Variants in PLEKHA6 observed in about 807,000 individuals in gnomAD.
PLEKHA6 encodes the protein pleckstrin homology domain containing A6.
A neutral mutation model predicts 116.7 loss-of-function variants in PLEKHA6; 60 were observed. The ratio of observed to expected loss-of-function variants is 0.51; its 90% confidence interval spans 0.42 to 0.64. The LOEUF is 0.64. Among genes scored for constraint, PLEKHA6 ranks in the 30% least tolerant of loss-of-function variants. PLEKHA6 has a pLI of 0.00. For missense variants in PLEKHA6, 1,338 were observed against 1,422.7 expected (o/e 0.94, Z 0.96); for synonymous variants, 489 against 556.1 (o/e 0.88, Z 1.70).
intron 2 of PLEKHA6, 27 bp from the exon 3 acceptor site, chr1:204,273,767 A>G: frequency 6.8e-7 from 1 of 1,475,210 alleles, no homozygotes; most frequent in Non-Finnish European, 9.5e-7. Context: ...CAGAGAAAAG[A>G]GATTGGTGAG....
At chr1:204,324,525 G>A (rs984406807) in intron 1 of PLEKHA6, among the ~76,000 whole-genome samples, 1 of 152,136 alleles carries the variant, frequency 6.6e-6, no homozygotes, top group Non-Finnish European at 1.5e-5. Flanking sequence ...CCATCAATAA[G>A]ACAAGGAAAG....
upstream of PLEKHA6, among the ~76,000 whole-genome samples, chr1:204,360,726 A>G (rs190626577): frequency 6.4e-3 from 973 of 152,182 alleles, 17 homozygotes; most frequent in African/African-American, 0.022. Flanking sequence ...GCCTTGCAGA[A>G]ACCCTTTCTC....
intron 1 of PLEKHA6, among the ~76,000 whole-genome samples, chr1:204,374,084 A>T (rs16853541): frequency 0.063 from 9,575 of 152,050 alleles, 972 homozygotes; most frequent in African/African-American, 0.22. Context: ...GATATCACAG[A>T]CAACCCTATC....
At chr1:204,377,364 C>T (rs1425221502) in intron 1 of PLEKHA6, among the ~76,000 whole-genome samples, 1 of 152,194 alleles carries the variant, frequency 6.6e-6, no homozygotes, top group Non-Finnish European at 1.5e-5. Flanking sequence ...CCAGCCTTTC[C>T]AAGCTGAGGG....
At chr1:204,371,852 A>T (rs934236489) in intron 1 of PLEKHA6, among the ~76,000 whole-genome samples, 4 of 152,240 alleles carry the variant, frequency 2.6e-5, no homozygotes, top group African/African-American at 9.6e-5. Flanking sequence ...AAACAAATGC[A>T]TAAAAAGATA....
chr1:204,377,681 G>A (rs1673894508), upstream of PLEKHA6: 1 of 152,340 alleles, frequency 6.6e-6, no homozygotes, highest in Non-Finnish European at 1.5e-5. Flanking sequence ...TGTCCCTGCA[G>A]CCCCTCTCGC....
intron 1 of PLEKHA6, among the ~76,000 whole-genome samples, chr1:204,305,172 G>T (rs1419837041): frequency 1.3e-5 from 2 of 152,156 alleles, no homozygotes; most frequent in Non-Finnish European, 2.9e-5. Context: ...CGATGAGGGG[G>T]CCCAGAGAGG....
At chr1:204,373,945 G>A (rs564338135) in intron 1 of PLEKHA6, among the ~76,000 whole-genome samples, 1 of 152,198 alleles carries the variant, frequency 6.6e-6, no homozygotes, top group East Asian at 1.9e-4. Context: ...TAAAAAGGAA[G>A]GGTTTGGAGA....
At chr1:204,339,268 G>A (rs750584751) in intron 1 of PLEKHA6, among the ~76,000 whole-genome samples, 31 of 152,170 alleles carry the variant, frequency 2.0e-4, no homozygotes, top group East Asian at 3.8e-4. Flanking sequence ...GGCCACGGCC[G>A]GAAATGACCC....
intron 2 of PLEKHA6, among the ~76,000 whole-genome samples, chr1:204,274,056 C>T (rs1667759754): frequency 6.6e-6 from 1 of 152,134 alleles, no homozygotes; most frequent in African/African-American, 2.4e-5. Context: ...ACCTCAGCTT[C>T]CAGAGTAGAT....
chr1:204,280,442 T>C (rs1668479172), intron 1 of PLEKHA6: 1 of 985,276 alleles, frequency 1.0e-6, no homozygotes, highest in South Asian at 4.7e-5. Context: ...TTCCACCCAC[T>C]GGGCCTCTCT....
intron 1 of PLEKHA6, among the ~76,000 whole-genome samples, chr1:204,276,318 T>C (rs946393883): frequency 2.0e-5 from 3 of 152,056 alleles, no homozygotes; most frequent in Non-Finnish European, 2.9e-5. Context: ...ACGTTGATAA[T>C]CCACTCCCCA....
intron 15 of PLEKHA6, chr1:204,243,157 C>T (rs1188660272): frequency 2.5e-6 from 1 of 399,214 alleles, no homozygotes; most frequent in East Asian, 3.6e-5. Flanking sequence ...GGAAGGGGAG[C>T]TGGGGTAGGG....
Position 204,257,830 on chromosome 1 carries a change from C to T in PLEKHA6, c.1047G>A (p.Glu349=). 6.2e-7 allele frequency: 1 copy of T among 1,613,624 alleles called. No homozygotes were observed. The highest frequency in any genetic ancestry group is 1.3e-5 in the African/African-American group (1 of 75,008). The change falls in exon 9 of 23, where the codon GAG becomes GAA. Residue 349 remains glutamate (E), a synonymous_variant. Coordinates refer to ENST00000272203, the MANE Select transcript of PLEKHA6 (RefSeq NM_014935.5). This position sits in a 1 kb window ranked among gnomAD's most constrained non-coding sequence, Gnocchi z 6.5. ...ACTGGGAGGAGTAGGGGCCATAGTA[C>T]TCAGGGACCCTGCGAGACACAGGAT... is the stretch of plus-strand genomic sequence containing the variant. The part of the protein sequence containing the change: ...RFYPVSRRVP[E]YYGPYSSQYP...
chr1:204,264,377 G>T (rs1339232871), intron 6 of PLEKHA6, among the ~76,000 whole-genome samples: 1 of 152,140 alleles, frequency 6.6e-6, no homozygotes, highest in Non-Finnish European at 1.5e-5. Context: ...ATGTTCCTGT[G>T]CACTTGTTCT....
rs556414964 is a variant in PLEKHA6, at chr1:204,244,056, C to T, written c.2172+808G>A. On this transcript the variant is annotated intron_variant, in intron 15 of 22. Transcript: ENST00000272203. Reference sequence around the variant, plus strand: ...CAGGATGGTCTTGATCTCCTGACCTCGTGATCCACCCACCTCAGCCACCCA... The same window carrying T: ...CAGGATGGTCTTGATCTCCTGACCTTGTGATCCACCCACCTCAGCCACCCA... Among the ~76,000 whole-genome samples the T allele has an allele frequency of 4.0e-4, 61 of 152,042 alleles. 1 individual carries two copies. The highest frequency in any genetic ancestry group is 7.9e-4 in the Admixed American group (12 of 15,270).
intron 1 of PLEKHA6, among the ~76,000 whole-genome samples, chr1:204,344,232 G>C (rs1558192933): frequency 6.6e-6 from 1 of 152,194 alleles, no homozygotes; most frequent in Non-Finnish European, 1.5e-5. Flanking sequence ...TCCCTGACCT[G>C]TTCTCTCCTG....
rs575927446 is a variant in PLEKHA6, at chr1:204,257,413, A to G, written c.1464T>C (p.Ser488=). 1.3e-6 allele frequency: 2 copies of G among 1,564,578 alleles called. No homozygotes were observed. Among genetic ancestry groups the G allele is most frequent in the Non-Finnish European group, 1.7e-6 (2 of 1,153,848 alleles). ...SARFERLPPR[S]EDIYADPAAY... is the part of the protein sequence containing the mutation. ...CAGCAGGGTCAGCATAGATGTCCTCACTGCGAGGTGGCAGCCGCTCAAAAC... is the reference window on the plus strand; with the variant it reads ...CAGCAGGGTCAGCATAGATGTCCTCGCTGCGAGGTGGCAGCCGCTCAAAAC... The change falls in exon 9 of 23, where the codon AGT becomes AGC. Residue 488 remains serine, a synonymous_variant. Transcript: ENST00000272203. The surrounding 1 kb of genome is among the most constrained non-coding windows in gnomAD (Gnocchi z 6.5).
chr1:204,347,801 A>G (rs1673119581), intron 1 of PLEKHA6, among the ~76,000 whole-genome samples: 1 of 152,136 alleles, frequency 6.6e-6, no homozygotes, highest in African/African-American at 2.4e-5. Flanking sequence ...AGCTGGGAGA[A>G]TAGAGTATAT....
Sources: allele counts gnomAD v4.1 joint callset (sites outside exome capture counted in the v4.1 genomes callset), GRCh38; gene constraint gnomAD v4.1.1; non-coding constraint Gnocchi (gnomAD v3.1); transcripts MANE v1.5; gene names NCBI Gene and HGNC (gene_info 2026-07-23, HGNC 2026-07-21).